SAMSN1: variants seen among roughly 807,000 people sequenced by gnomAD.
The protein encoded by SAMSN1 is SAM domain, SH3 domain and nuclear localization signals 1.
In SAMSN1, 31 loss-of-function variants were observed where a neutral mutation model predicts 42.0. The observed-to-expected ratio is 0.74, with a 90% confidence interval of 0.55 to 1.00. SAMSN1 has a LOEUF of 1.00. Among genes scored for constraint, SAMSN1 ranks in the 50% least tolerant of loss-of-function variants. The probability of loss-of-function intolerance (pLI) is 0.00; values close to 1 mark genes in which losing one functional copy is unlikely to be tolerated. For missense variants in SAMSN1, 464 were observed against 439.4 expected, an observed-to-expected ratio of 1.06 and a Z score of -0.50; for synonymous variants, 178 against 151.9, an observed-to-expected ratio of 1.17 and a Z score of -1.26.
chr21:14,620,952 A>G (rs1982985626), intron 2 of SAMSN1, among the ~76,000 whole-genome samples: 1 of 152,238 alleles, frequency 6.6e-6, no homozygotes. Context: ...AAAAATGAAG[A>G]TTGTTCACTT....
At chr21:14,530,849 C>T (rs1372655034) in intron 1 of SAMSN1, among the ~76,000 whole-genome samples, 1 of 152,090 alleles carries the variant, frequency 6.6e-6, no homozygotes, top group Non-Finnish European at 1.5e-5. Flanking sequence ...ATTTTGTTAT[C>T]TAGGTACCTT....
intron 4 of SAMSN1, 137 bp from the exon 5 acceptor site, chr21:14,510,598 G>A (rs1987646943): frequency 1.0e-6 from 1 of 956,248 alleles, no homozygotes; most frequent in Non-Finnish European, 1.6e-6. Context: ...ACCCATCCTG[G>A]TGTCTGTCTT....
At chr21:14,547,999 G>T (rs1269408865), upstream of SAMSN1, among the ~76,000 whole-genome samples, 2 of 152,040 alleles carry the variant, frequency 1.3e-5, no homozygotes, top group Non-Finnish European at 1.5e-5. Context: ...ATGTTGAGGT[G>T]GGGTAATTCC....
At chr21:14,621,045 A>G (rs1982988812) in intron 2 of SAMSN1, among the ~76,000 whole-genome samples, 1 of 152,220 alleles carries the variant, frequency 6.6e-6, no homozygotes, top group African/African-American at 2.4e-5. Flanking sequence ...ATGTTTCTGG[A>G]TATTTCTTGG....
At chr21:14,525,050 G>A (rs556492411) in intron 1 of SAMSN1, among the ~76,000 whole-genome samples, 2 of 152,224 alleles carry the variant, frequency 1.3e-5, no homozygotes, top group African/African-American at 4.8e-5. Context: ...CAACTAAATA[G>A]TTGATGAGGG....
chr21:14,587,085 TTTG>T, upstream of SAMSN1, among the ~76,000 whole-genome samples: 1 of 152,166 alleles, frequency 6.6e-6, no homozygotes, highest in Non-Finnish European at 1.5e-5. Flanking sequence ...GGTTTACAGT[TTTG>T]TTCTTCTCTC....
At chr21:14,555,466 T>C (rs986676331) in intron 2 of SAMSN1, among the ~76,000 whole-genome samples, 2 of 152,182 alleles carry the variant, frequency 1.3e-5, no homozygotes, top group Non-Finnish European at 2.9e-5. Flanking sequence ...CTCCTAACTA[T>C]ATGAAACATA....
intron 7 of SAMSN1, among the ~76,000 whole-genome samples, chr21:14,495,451 G>A (rs958517044): frequency 6.6e-6 from 1 of 152,128 alleles, no homozygotes; most frequent in African/African-American, 2.4e-5. Flanking sequence ...GCATCTTTTT[G>A]ACATGTATAT....
At chr21:14,569,530 T>A (rs969481925) in intron 2 of SAMSN1, among the ~76,000 whole-genome samples, 1 of 152,122 alleles carries the variant, frequency 6.6e-6, no homozygotes, top group Non-Finnish European at 1.5e-5. Flanking sequence ...TTTCCCAGAT[T>A]TTTTCTGTTA....
upstream of SAMSN1, among the ~76,000 whole-genome samples, chr21:14,547,100 T>C (rs9979867): frequency 6.6e-6 from 1 of 152,082 alleles, no homozygotes; most frequent in Admixed American, 6.6e-5. Flanking sequence ...CATGTATGCA[T>C]ATATTTTAAA....
chr21:14,577,284 A>ATATT (rs1460040142), intron 2 of SAMSN1, among the ~76,000 whole-genome samples: 48 of 53,828 alleles, frequency 8.9e-4, no homozygotes, highest in Non-Finnish European at 1.3e-3. Flanking sequence ...ATATATATAT[A>ATATT]TTTTTTTTTT....
Position 14,628,510 on chromosome 21 carries a change from A to C in SAMSN1, c.157-12494T>G, listed in dbSNP as rs564622097. Among the ~76,000 whole-genome samples the C allele has an allele frequency of 9.8e-5, 15 of 152,328 alleles. No individual in the cohort carries two copies. The South Asian group carries it at 3.1e-3, about 32-fold the overall frequency. ...TGTATCTAAGGCAATCAGAGAGATG[A>C]AAAAATATATATTGAGCTACCAACT... On this transcript the variant is annotated intron_variant, in intron 2 of 15. Coordinates refer to the SAMSN1 transcript ENST00000647101.
At chr21:14,629,746 C>G (rs1031204399) in intron 2 of SAMSN1, among the ~76,000 whole-genome samples, 1 of 152,030 alleles carries the variant, frequency 6.6e-6, no homozygotes. Flanking sequence ...TACTAGTGTG[C>G]GAAGAGAGCT....
chr21:14,526,499 C>A (rs2822738), intron 1 of SAMSN1, among the ~76,000 whole-genome samples: 128,054 of 152,148 alleles, frequency 0.84, 54,096 homozygotes, highest in East Asian at 1. Flanking sequence ...GAACTTAAGG[C>A]GATTCTTTTT....
At chr21:14,488,409 C>T (rs575163048) in intron 7 of SAMSN1, among the ~76,000 whole-genome samples, 1 of 152,136 alleles carries the variant, frequency 6.6e-6, no homozygotes, top group African/African-American at 2.4e-5. Flanking sequence ...TTGTGGGGCT[C>T]TCTTCAGGAT....
chr21:14,601,576 C>T (rs1381911875), intron 6 of SAMSN1, among the ~76,000 whole-genome samples: 1 of 152,108 alleles, frequency 6.6e-6, no homozygotes. Context: ...AAGTATTTGG[C>T]CATTGATTAA....
At chr21:14,604,381 C>T (rs1982512652) in intron 5 of SAMSN1, among the ~76,000 whole-genome samples, 1 of 152,122 alleles carries the variant, frequency 6.6e-6, no homozygotes, top group East Asian at 1.9e-4. Flanking sequence ...CAGTAGAGTG[C>T]AGTGGAAGTA....
upstream of SAMSN1, among the ~76,000 whole-genome samples, chr21:14,587,424 T>C (rs951578957): frequency 1.3e-5 from 2 of 152,202 alleles, no homozygotes; most frequent in Non-Finnish European, 2.9e-5. Context: ...AAACACTCTC[T>C]TTTCTTGGCT....
chr21:14,645,715 G>A (rs1349970248), intron 1 of SAMSN1, among the ~76,000 whole-genome samples: 1 of 152,180 alleles, frequency 6.6e-6, no homozygotes, highest in Non-Finnish European at 1.5e-5. Flanking sequence ...TGACCTTTCA[G>A]ATAATTTGAA....
Sources: gnomAD v4.1 joint callset for allele counts (sites outside exome capture counted in the v4.1 genomes callset) on GRCh38, gnomAD v4.1.1 for gene constraint, MANE v1.5 for transcripts, NCBI Gene and HGNC (gene_info 2026-07-23, HGNC 2026-07-21) for gene names.